Variants in PDS5B observed in about 807,000 individuals in gnomAD.
The protein encoded by PDS5B is PDS5 cohesin associated factor B, also known as sister chromatid cohesion protein PDS5 homolog B.
Under a neutral mutation model 184.1 loss-of-function variants are expected in PDS5B, and 51 were observed. The observed-to-expected ratio is 0.28, with a 90% CI of 0.22 to 0.35. PDS5B has a LOEUF of 0.35. Ranked by LOEUF, PDS5B falls within the 10% of genes least tolerant of loss-of-function variation. The probability of loss-of-function intolerance (pLI) is 1.00; values close to 1 mark genes in which losing one functional copy is unlikely to be tolerated. For synonymous variants in PDS5B, 566 were observed against 569.2 expected, an observed-to-expected ratio of 0.99 and a Z score of 0.08; for missense variants, 1,180 against 1,723.3, an observed-to-expected ratio of 0.68 and a Z score of 5.58.
chr13:32,646,376 T>TG (rs1260923547), intron 1 of PDS5B, among the ~76,000 whole-genome samples: 1 of 56,954 alleles, frequency 1.8e-5, no homozygotes, highest in African/African-American at 5.3e-5. Flanking sequence ...TGTGTTTTTT[T>TG]TTTTTTTTTT....
intron 7 of PDS5B, among the ~76,000 whole-genome samples, chr13:32,670,145 T>A (rs9596059): frequency 0.38 from 57,844 of 151,420 alleles, 11,460 homozygotes; most frequent in Non-Finnish European, 0.44. Context: ...TTTTTTTTTA[T>A]TCGATAGTAT....
intron 7 of PDS5B, among the ~76,000 whole-genome samples, chr13:32,672,400 T>C (rs1476486537): frequency 6.6e-6 from 1 of 152,112 alleles, no homozygotes; most frequent in Non-Finnish European, 1.5e-5. Flanking sequence ...CACATATACA[T>C]ATATGTGTGT....
intron 6 of PDS5B, among the ~76,000 whole-genome samples, chr13:32,664,787 G>A (rs1395523969): frequency 1.3e-5 from 2 of 152,056 alleles, no homozygotes; most frequent in African/African-American, 4.8e-5. Flanking sequence ...GGAGGTCAAG[G>A]CTGCAGTGAG....
intron 5 of PDS5B, 82 bp from the exon 6 acceptor site, chr13:32,659,072 C>A: frequency 1.1e-6 from 1 of 950,604 alleles, no homozygotes; most frequent in Non-Finnish European, 1.5e-6. Flanking sequence ...TTTTGTAAAG[C>A]ATAATGCTTG....
intron 23 of PDS5B, among the ~76,000 whole-genome samples, chr13:32,744,337 G>A (rs1953669790): frequency 6.6e-6 from 1 of 152,034 alleles, no homozygotes; most frequent in Admixed American, 6.6e-5. Flanking sequence ...GAATATTTAG[G>A]GGCAGCCTAG....
intron 19 of PDS5B, among the ~76,000 whole-genome samples, chr13:32,713,578 G>A (rs1005995958): frequency 1.3e-5 from 2 of 152,122 alleles, no homozygotes; most frequent in Non-Finnish European, 2.9e-5. Flanking sequence ...TAAACAATGT[G>A]GAAGATGGAA....
At chr13:32,687,674 AAAC>A (rs535956287) in intron 12 of PDS5B, among the ~76,000 whole-genome samples, 16 of 152,344 alleles carry the variant, frequency 1.1e-4, no homozygotes, top group Non-Finnish European at 2.1e-4. Context: ...GAAGGCTAAA[AAAC>A]AGTTTATAAA....
At chr13:32,643,218 G>A (rs1352095955) in intron 1 of PDS5B, among the ~76,000 whole-genome samples, 1 of 152,084 alleles carries the variant, frequency 6.6e-6, no homozygotes, top group Non-Finnish European at 1.5e-5. Flanking sequence ...TCTTTCCCTG[G>A]AGTGCTTTGT....
At chr13:32,681,256 C>T (rs1437050580) in intron 10 of PDS5B, among the ~76,000 whole-genome samples, 1 of 152,102 alleles carries the variant, frequency 6.6e-6, no homozygotes, top group African/African-American at 2.4e-5. Context: ...TGGCAGGTTT[C>T]AGAGGTTTTC....
chr13:32,737,755 A>C (rs937397826), intron 21 of PDS5B, among the ~76,000 whole-genome samples: 2 of 152,238 alleles, frequency 1.3e-5, no homozygotes, highest in Non-Finnish European at 2.9e-5. Flanking sequence ...ACAAAGGAAT[A>C]TATGTAACAT....
intron 7 of PDS5B, among the ~76,000 whole-genome samples, chr13:32,670,980 T>A (rs1234301738): frequency 2.6e-5 from 4 of 152,242 alleles, no homozygotes; most frequent in Non-Finnish European, 5.9e-5. Flanking sequence ...AAAAAATTAA[T>A]TTGTAGTATG....
intron 1 of PDS5B, among the ~76,000 whole-genome samples, chr13:32,630,335 A>G (rs1201767928): frequency 6.6e-6 from 1 of 152,144 alleles, no homozygotes; most frequent in African/African-American, 2.4e-5. Context: ...TTTGCCCTGC[A>G]GGGGACACTT....
At chr13:32,725,505 T>C (rs1284228591) in intron 19 of PDS5B, among the ~76,000 whole-genome samples, 3 of 152,146 alleles carry the variant, frequency 2.0e-5, no homozygotes, top group African/African-American at 7.2e-5. Flanking sequence ...TCCGAGGGGC[T>C]CTGGTTCCTT....
At chr13:32,685,505 C>G (rs1387867178) in intron 11 of PDS5B, among the ~76,000 whole-genome samples, 1 of 152,048 alleles carries the variant, frequency 6.6e-6, no homozygotes, top group Non-Finnish European at 1.5e-5. Flanking sequence ...AAAAATTGAG[C>G]ACTGAAAAAT....
chr13:32,664,878 A>G (rs1453542295), intron 6 of PDS5B, among the ~76,000 whole-genome samples: 1 of 152,132 alleles, frequency 6.6e-6, no homozygotes, highest in Non-Finnish European at 1.5e-5. Flanking sequence ...AAAAAAAGAA[A>G]GTGATAGCAT....
intron 11 of PDS5B, among the ~76,000 whole-genome samples, chr13:32,684,583 A>G (rs1180507919): frequency 2.6e-5 from 4 of 152,144 alleles, no homozygotes; most frequent in African/African-American, 9.7e-5. Context: ...AGAGGACTGT[A>G]TCTTGTTATG....
At chr13:32,604,067 T>C (rs1658831394) in intron 1 of PDS5B, among the ~76,000 whole-genome samples, 1 of 152,232 alleles carries the variant, frequency 6.6e-6, no homozygotes, top group Non-Finnish European at 1.5e-5. Flanking sequence ...TACACTTTAT[T>C]TCTTTCTCTT....
At chr13:32,587,472 G>A (rs1290133742) in intron 1 of PDS5B, among the ~76,000 whole-genome samples, 2 of 152,168 alleles carry the variant, frequency 1.3e-5, no homozygotes, top group Non-Finnish European at 2.9e-5. Flanking sequence ...AAAAGTTTTC[G>A]GTCCGGAGAA....
chr13:32,769,703 A>G (rs1954712539), intron 31 of PDS5B, among the ~76,000 whole-genome samples: 2 of 152,194 alleles, frequency 1.3e-5, no homozygotes, highest in Admixed American at 6.5e-5. Context: ...CATATAGTTA[A>G]TATTTTATGT....
Sources: allele counts gnomAD v4.1 joint callset (sites outside exome capture counted in the v4.1 genomes callset), GRCh38; gene constraint gnomAD v4.1.1; transcripts MANE v1.5; gene names NCBI Gene and HGNC (gene_info 2026-07-23, HGNC 2026-07-21).